PEBP4: variants seen among roughly 807,000 people sequenced by gnomAD.
The protein encoded by PEBP4 is phosphatidylethanolamine binding protein 4.
In PEBP4, 22 loss-of-function variants were observed where a neutral mutation model predicts 23.9. That is an observed-to-expected ratio of 0.92 (90% CI 0.66 to 1.31). The LOEUF is 1.31. Ranked by LOEUF, PEBP4 falls within the 40% of genes most tolerant of loss-of-function variation. The pLI is 0.00. For missense variants in PEBP4, 324 were observed against 281.7 expected, an observed-to-expected ratio of 1.15 and a Z score of -1.07; for synonymous variants, 112 against 99.3, an observed-to-expected ratio of 1.13 and a Z score of -0.76.
intron 3 of PEBP4, among the ~76,000 whole-genome samples, chr8:22,868,065 C>G (rs998901925): frequency 2.0e-5 from 3 of 152,150 alleles, no homozygotes; most frequent in Non-Finnish European, 4.4e-5. Flanking sequence ...AAGTGGCTGC[C>G]GACAGAGTTG....
intron 2 of PEBP4, among the ~76,000 whole-genome samples, chr8:22,921,738 T>C (rs577604498): frequency 6.6e-6 from 1 of 152,376 alleles, no homozygotes; most frequent in East Asian, 1.9e-4. Context: ...ACAGCAATTC[T>C]TGGTGGATGG....
intron 4 of PEBP4, among the ~76,000 whole-genome samples, chr8:22,814,415 G>A (rs1806695930): frequency 6.6e-6 from 1 of 152,214 alleles, no homozygotes; most frequent in Non-Finnish European, 1.5e-5. Flanking sequence ...GTTATCCAAA[G>A]TTCCAGAGCT....
chr8:22,806,262 C>G (rs1386302213), intron 4 of PEBP4, among the ~76,000 whole-genome samples: 1 of 152,126 alleles, frequency 6.6e-6, no homozygotes, highest in Admixed American at 6.6e-5. Flanking sequence ...TGTTACCCAT[C>G]GTATTAGCTA....
intron 3 of PEBP4, among the ~76,000 whole-genome samples, chr8:22,837,262 G>C (rs1807224423): frequency 6.6e-6 from 1 of 152,142 alleles, no homozygotes; most frequent in South Asian, 2.1e-4. Flanking sequence ...CTATTCACTA[G>C]ATGCTTGCTT....
At chr8:22,853,090 G>A (rs897544918) in intron 3 of PEBP4, among the ~76,000 whole-genome samples, 2 of 152,218 alleles carry the variant, frequency 1.3e-5, no homozygotes, top group Non-Finnish European at 2.9e-5. Flanking sequence ...AGCATTTTCC[G>A]AACTAAGCAT....
At chr8:22,817,898 C>T (rs566977636) in intron 3 of PEBP4, among the ~76,000 whole-genome samples, 163 bp from the exon 4 acceptor site, 7 of 152,344 alleles carry the variant, frequency 4.6e-5, no homozygotes, top group African/African-American at 7.2e-5. Flanking sequence ...TCTCACATCA[C>T]GTTTATTCTC....
At chr8:22,766,632 G>C (rs1805619856) in intron 4 of PEBP4, among the ~76,000 whole-genome samples, 1 of 152,190 alleles carries the variant, frequency 6.6e-6, no homozygotes, top group Non-Finnish European at 1.5e-5. Flanking sequence ...ACCAAAAATG[G>C]AGCTGTGGGA....
chr8:22,871,940 C>G (rs1349917593), intron 3 of PEBP4, among the ~76,000 whole-genome samples: 1 of 152,158 alleles, frequency 6.6e-6, no homozygotes, highest in Non-Finnish European at 1.5e-5. Flanking sequence ...CCAACCTCCC[C>G]CCGCAAGTCC....
At chr8:22,720,752 A>G (rs751591385) in intron 6 of PEBP4, among the ~76,000 whole-genome samples, 26 of 152,120 alleles carry the variant, frequency 1.7e-4, no homozygotes, top group Non-Finnish European at 3.4e-4. Context: ...TATCTTGGGG[A>G]CCAGTTATGC....
intron 4 of PEBP4, among the ~76,000 whole-genome samples, chr8:22,774,244 T>G (rs759773522): frequency 4.7e-4 from 72 of 152,344 alleles, no homozygotes; most frequent in Non-Finnish European, 8.5e-4. Context: ...TGTCTCTTTC[T>G]CTACTTCCAC....
chr8:22,753,124 G>GT (rs1805303898), intron 4 of PEBP4, among the ~76,000 whole-genome samples: 1 of 152,198 alleles, frequency 6.6e-6, no homozygotes, highest in Admixed American at 6.5e-5. Context: ...TGCCTACCAG[G>GT]TGCAGAGACA....
At chr8:22,870,696 G>A (rs1807990068) in intron 3 of PEBP4, among the ~76,000 whole-genome samples, 1 of 152,172 alleles carries the variant, frequency 6.6e-6, no homozygotes. Flanking sequence ...GAGGAGTCAG[G>A]GGTGTATGTG....
intron 4 of PEBP4, among the ~76,000 whole-genome samples, chr8:22,750,363 GT>G (rs1805229389): frequency 6.6e-6 from 1 of 152,192 alleles, no homozygotes; most frequent in Non-Finnish European, 1.5e-5. Context: ...GCCTCCCAAA[GT>G]GCTGGGATTA....
intron 3 of PEBP4, among the ~76,000 whole-genome samples, chr8:22,843,490 A>G (rs1323431999): frequency 1.3e-5 from 2 of 152,224 alleles, no homozygotes; most frequent in African/African-American, 4.8e-5. Flanking sequence ...CTTTGCTGAA[A>G]ACATTTCCTA....
Position 22,865,315 on chromosome 8 carries a change from T to A in PEBP4, c.259-47580A>T, listed in dbSNP as rs2128769413. 2.0e-5 allele frequency among the ~76,000 whole-genome samples: 3 copies of A among 151,798 alleles called. No individual in the cohort carries two copies. In the South Asian group the frequency reaches 6.2e-4, roughly 32 times the overall value. On this transcript the variant is annotated intron_variant, in intron 3 of 6. Coordinates refer to ENST00000256404, the MANE Select transcript of PEBP4 (RefSeq NM_144962.3). This position sits in a 1 kb window ranked among gnomAD's most constrained non-coding sequence, Gnocchi z 6.9. ...GGAAGAGCGGCGGGCGGATGGGAAT[T>A]ACCCCGGGTCCCCCTGCGGCGTCTC... is the stretch of plus-strand genomic sequence containing the variant.
chr8:22,726,713 G>A (rs1804628486), intron 5 of PEBP4, among the ~76,000 whole-genome samples: 1 of 152,256 alleles, frequency 6.6e-6, no homozygotes, highest in African/African-American at 2.4e-5. Flanking sequence ...ATCCAGGCCT[G>A]CTTGGTGCCC....
At chr8:22,863,740 G>C (rs1807827625) in intron 3 of PEBP4, among the ~76,000 whole-genome samples, 1 of 152,144 alleles carries the variant, frequency 6.6e-6, no homozygotes, top group East Asian at 1.9e-4. Flanking sequence ...GGAGTACCAA[G>C]TGTCCAGCAC....
At chr8:22,902,667 C>T (rs1808735133) in intron 3 of PEBP4, among the ~76,000 whole-genome samples, 1 of 152,244 alleles carries the variant, frequency 6.6e-6, no homozygotes, top group Non-Finnish European at 1.5e-5. Flanking sequence ...TGGTCTCTGT[C>T]CAGCTCCTGT....
intron 4 of PEBP4, among the ~76,000 whole-genome samples, chr8:22,759,674 A>G (rs542324271): frequency 6.6e-6 from 1 of 152,272 alleles, no homozygotes; most frequent in East Asian, 1.9e-4. Flanking sequence ...GGGGGTTGCA[A>G]TCTTGATTCC....
Sources: allele counts gnomAD v4.1 joint callset (sites outside exome capture counted in the v4.1 genomes callset), GRCh38; gene constraint gnomAD v4.1.1; non-coding constraint Gnocchi (gnomAD v3.1); transcripts MANE v1.5; gene names NCBI Gene and HGNC (gene_info 2026-07-23, HGNC 2026-07-21).